The following SLC44A5 variants were observed in gnomAD, a reference collection of about 807,000 sequenced individuals.
The protein encoded by SLC44A5 is choline transporter-like protein 5.
SLC44A5 carries 57 observed loss-of-function variants against 101.8 expected under a neutral mutation model. The ratio of observed to expected loss-of-function variants is 0.56; its 90% CI spans 0.45 to 0.70. The LOEUF (loss-of-function observed/expected upper bound fraction) is 0.70. Among genes scored for constraint, SLC44A5 ranks in the 30% least tolerant of loss-of-function variants. The pLI is 0.00. For synonymous variants in SLC44A5, 281 were observed against 290.9 expected (o/e 0.97, Z 0.35); for missense variants, 737 against 853.1 (o/e 0.86, Z 1.70).
chr1:75,674,350 T>C, the SLC44A5 span, among the ~76,000 whole-genome samples: 1 of 152,144 alleles, frequency 6.6e-6, no homozygotes, highest in African/African-American at 2.4e-5. Context: ...GATAAGCTAT[T>C]TGAAAATACA....
intron 4 of SLC44A5, among the ~76,000 whole-genome samples, chr1:75,334,328 G>A (rs1334260537): frequency 6.6e-6 from 1 of 152,026 alleles, no homozygotes; most frequent in Non-Finnish European, 1.5e-5. Flanking sequence ...AATTAAGGAT[G>A]GACTCAATCC....
At chr1:75,715,193 C>T in the SLC44A5 span, among the ~76,000 whole-genome samples, 44,685 of 152,008 alleles carry the variant, frequency 0.29, 6,773 homozygotes, top group Non-Finnish European at 0.33. Context: ...TAGGAAGAAT[C>T]AATATTGTTA....
the SLC44A5 span, among the ~76,000 whole-genome samples, chr1:75,625,743 TCTAGTCC>T: frequency 6.6e-6 from 1 of 152,150 alleles, no homozygotes; most frequent in African/African-American, 2.4e-5. Context: ...TTTCTGGTAG[TCTAGTCC>T]CCCAGTTACC....
At chr1:75,334,929 C>G (rs533383607) in intron 4 of SLC44A5, among the ~76,000 whole-genome samples, 3 of 152,162 alleles carry the variant, frequency 2.0e-5, no homozygotes, top group African/African-American at 7.2e-5. Flanking sequence ...TATAATACCA[C>G]GTTGTAGTTA....
At chr1:75,255,792 T>C (rs964057085) in intron 6 of SLC44A5, among the ~76,000 whole-genome samples, 4 of 152,144 alleles carry the variant, frequency 2.6e-5, no homozygotes, top group African/African-American at 9.7e-5. Context: ...ATACTTATCA[T>C]GATGTATGTG....
intron 6 of SLC44A5, among the ~76,000 whole-genome samples, chr1:75,253,419 T>G (rs540194611): frequency 6.6e-6 from 1 of 152,060 alleles, no homozygotes; most frequent in South Asian, 2.1e-4. Context: ...GAAAAAGCAT[T>G]TTTAAAGGCA....
In SLC44A5 at chr1:75,350,088, C is replaced by T. The variant is rs115015157; in HGVS notation, c.53-10458G>A. On this transcript the variant is annotated intron_variant, in intron 3 of 23. Transcript: ENST00000370859. ...TATGTTGAAGTCCTACCGCGCCCCC[C>T]CCAACTCCAGCCCAACTATGATGTT... Among the ~76,000 whole-genome samples the T allele has an allele frequency of 2.6e-5, 4 of 152,202 alleles. No homozygotes were observed. In the South Asian group the frequency reaches 6.2e-4, roughly 24 times the overall value.
chr1:75,588,708 A>G (rs1166838718), intron 1 of SLC44A5, among the ~76,000 whole-genome samples: 1 of 151,708 alleles, frequency 6.6e-6, no homozygotes, highest in Non-Finnish European at 1.5e-5. Flanking sequence ...TGAAATAAAG[A>G]TATCTGGTTC....
At chr1:75,562,057 G>A (rs1672548733) in intron 1 of SLC44A5, among the ~76,000 whole-genome samples, 1 of 151,998 alleles carries the variant, frequency 6.6e-6, no homozygotes, top group African/African-American at 2.4e-5. Flanking sequence ...TGTGACACAT[G>A]TATACTTATG....
Position 75,433,911 on chromosome 1 carries a change from G to C in SLC44A5, c.14-37290C>G, listed in dbSNP as rs2101604211. On this transcript the variant is annotated intron_variant, in intron 2 of 23. Transcript: ENST00000370859. The stretch of plus-strand genomic sequence containing the variant: ...CATGGCAGCAGGCAAGACAGAATGA[G>C]AACCAAGTGAAATGGGAAGCCCCTT... Among the ~76,000 whole-genome samples the C allele has an allele frequency of 2.0e-5, 3 of 152,180 alleles. No individual in the cohort carries two copies. In the Middle Eastern group the frequency reaches 0.01, roughly 518 times the overall value.
Position 75,238,385 on chromosome 1 carries a change from CATATATATAT to C in SLC44A5, c.656+118_656+127del, listed in dbSNP as rs71081318. On this transcript the variant is annotated intron_variant, in intron 10 of 23. Transcript: ENST00000370859. Reference sequence around the variant, plus strand: ...TCAATTCACAGTAACACGTATATTTCATATATATATATATATATATATATATATGTGATTA... The same window carrying C: ...TCAATTCACAGTAACACGTATATTTCATATATATATATATATATGTGATTA... 5.2e-3 allele frequency: 1,098 copies of C among 212,982 alleles called. 6 individuals are homozygous for C. Among genetic ancestry groups the C allele is most frequent in the Non-Finnish European group, 7.1e-3 (853 of 120,176 alleles). The allele number at this position is 212,982 out of a possible 1,614,324, so 13.2% of individuals were successfully genotyped here.
At chr1:75,207,838 C>T (rs892336409) in intron 23 of SLC44A5, among the ~76,000 whole-genome samples, 3 of 152,138 alleles carry the variant, frequency 2.0e-5, no homozygotes, top group African/African-American at 7.2e-5. Flanking sequence ...TTATGAGTAG[C>T]ATAATGAGAC....
At chr1:75,373,614 G>C (rs950916498) in intron 3 of SLC44A5, among the ~76,000 whole-genome samples, 2 of 152,054 alleles carry the variant, frequency 1.3e-5, no homozygotes, top group Non-Finnish European at 2.9e-5. Flanking sequence ...CTGACTGTTC[G>C]GCCAGGAGAG....
chr1:75,510,274 G>A (rs1187449683), intron 2 of SLC44A5, among the ~76,000 whole-genome samples: 1 of 152,106 alleles, frequency 6.6e-6, no homozygotes, highest in Non-Finnish European at 1.5e-5. Flanking sequence ...AAAACTAAAA[G>A]TAAGTAGACC....
At chr1:75,508,906 A>G (rs1009196968) in intron 2 of SLC44A5, among the ~76,000 whole-genome samples, 6 of 152,216 alleles carry the variant, frequency 3.9e-5, no homozygotes, top group African/African-American at 1.2e-4. Flanking sequence ...CACCTTTGAG[A>G]TGTTGACCCA....
chr1:75,385,686 G>A (rs907385622), intron 3 of SLC44A5, among the ~76,000 whole-genome samples: 15 of 152,120 alleles, frequency 9.9e-5, no homozygotes, highest in African/African-American at 3.6e-4. Context: ...GAAAAAGAGG[G>A]ACTCCTCCCT....
chr1:75,613,643 G>A (rs1675748197), upstream of SLC44A5, among the ~76,000 whole-genome samples: 1 of 152,212 alleles, frequency 6.6e-6, no homozygotes, highest in South Asian at 2.1e-4. Context: ...CATGTAGCAT[G>A]AGAAAACCTT....
the SLC44A5 span, among the ~76,000 whole-genome samples, chr1:75,633,306 T>C: frequency 3.3e-5 from 5 of 152,166 alleles, no homozygotes; most frequent in Admixed American, 1.3e-4. Flanking sequence ...TAAATTACCT[T>C]GGGCAGTATG....
At chr1:75,717,959 T>C in the SLC44A5 span, among the ~76,000 whole-genome samples, 1 of 152,292 alleles carries the variant, frequency 6.6e-6, no homozygotes, top group South Asian at 2.1e-4. Flanking sequence ...CTTGGCTCAA[T>C]TCCCTACTGG....
Sources: allele counts gnomAD v4.1 joint callset (sites outside exome capture counted in the v4.1 genomes callset), GRCh38; gene constraint gnomAD v4.1.1; transcripts MANE v1.5; gene names NCBI Gene and HGNC (gene_info 2026-07-23, HGNC 2026-07-21).